The following PEX13 variants were observed in gnomAD, a reference collection of about 807,000 sequenced individuals.
PEX13 encodes the protein peroxisomal biogenesis factor 13, also known as peroxisome biogenesis factor 13.
A neutral mutation model predicts 34.5 loss-of-function variants in PEX13; 28 were observed. The ratio of observed to expected loss-of-function variants is 0.81; its 90% CI spans 0.60 to 1.11. PEX13 has a LOEUF of 1.11. PEX13 is among the 50% of genes most tolerant of loss of function. The pLI is 0.00. For synonymous variants in PEX13, 177 were observed against 175.1 expected (o/e 1.01, Z -0.09); for missense variants, 550 against 491.0 (o/e 1.12, Z -1.13).
intron 1 of PEX13, among the ~76,000 whole-genome samples, chr2:61,030,419 G>A (rs556043795): frequency 6.6e-6 from 1 of 152,228 alleles, no homozygotes; most frequent in South Asian, 2.1e-4. Flanking sequence ...GTAAACAGTT[G>A]TCTTTATCAA....
At chr2:61,017,951 C>A (rs7602846) in intron 1 of PEX13, 100 bp downstream of exon 1, 13 of 1,378,348 alleles carry the variant, frequency 9.4e-6, no homozygotes, top group East Asian at 7.5e-5. Context: ...TCCCTTCCCC[C>A]CTTTAACCAA....
In PEX13 at chr2:61,048,949, T is replaced by C. The variant is rs774341751; in HGVS notation, c.*179T>C. On this transcript the variant is annotated 3_prime_UTR_variant, in exon 4 of 4. Coordinates refer to ENST00000295030, the MANE Select transcript of PEX13 (RefSeq NM_002618.4). ...ATGTTGGTCTGGTGACCTGGTTACA[T>C]TTTATTATACACATTATTGGACCAT... The C allele has an allele frequency of 1.6e-6, 1 of 611,646 alleles. No individual in the cohort carries two copies. The highest frequency in any genetic ancestry group is 2.9e-6 in the Non-Finnish European group (1 of 347,548). 37.9% of individuals were successfully genotyped at this position (611,646 alleles called of 1,614,324 possible). A position where few individuals can be genotyped will look rare whatever the true frequency, so the allele number is the denominator to read the frequency against.
chr2:61,036,779 A>T lies in PEX13; in HGVS notation c.787+4666A>T, dbSNP rs145639808. Among the ~76,000 whole-genome samples the T allele has an allele frequency of 2.8e-3, 425 of 152,330 alleles. 1 individual carries two copies. The highest frequency in any genetic ancestry group is 9.5e-3 in the African/African-American group (396 of 41,580). On this transcript the variant is annotated intron_variant, in intron 2 of 3. Transcript: ENST00000295030. Reference sequence around the variant, plus strand: ...GACAGGATCAGATTCACACATAACAATGTTAACCTTAAATGTAAATGGGCT... The same window carrying T: ...GACAGGATCAGATTCACACATAACATTGTTAACCTTAAATGTAAATGGGCT...
chr2:61,048,025 G>A lies in PEX13; in HGVS notation c.914-447G>A, dbSNP rs187058873. ...ATTGTTTATTACAATCACATGAAACGAATTTTATATTTTTGCCAAAAGTAG... is the reference window on the plus strand; with the variant it reads ...ATTGTTTATTACAATCACATGAAACAAATTTTATATTTTTGCCAAAAGTAG... On this transcript the variant is annotated intron_variant, in intron 3 of 3. Transcript: ENST00000295030. Among the ~76,000 whole-genome samples the A allele has an allele frequency of 2.0e-3, 301 of 152,218 alleles. 1 individual carries two copies. Among genetic ancestry groups the A allele is most frequent in the African/African-American group, 6.6e-3 (274 of 41,554 alleles).
rs1258736139 is a variant in PEX13, at chr2:61,017,763, G to A, written c.4G>A (p.Ala2Thr). 3 of 1,549,322 alleles carry A rather than the reference G, an allele frequency of 1.9e-6. No individual in the cohort carries two copies. The highest frequency in any genetic ancestry group is 2.4e-5 in the East Asian group (1 of 41,048). The change falls in exon 1 of 4, where the codon GCG becomes ACG. Residue 2 changes from alanine (A) to threonine (T), a missense_variant. By Grantham distance (58) the Ala-to-Thr change is moderately conservative. Transcript: ENST00000295030. ...GAGCCGAGAGGAGGCGGAGGAGATG[G>A]CGTCCCAGCCGCCACCTCCCCCCAA... M[A>T]SQPPPPPKPW...
chr2:61,039,949 C>T (rs1410143017), intron 2 of PEX13, among the ~76,000 whole-genome samples: 1 of 152,146 alleles, frequency 6.6e-6, no homozygotes, highest in Non-Finnish European at 1.5e-5. Flanking sequence ...AGATACTTCT[C>T]AAAAGAAGAC....
chr2:61,017,939 A>T, intron 1 of PEX13, 88 bp downstream of exon 1: 1 of 1,408,324 alleles, frequency 7.1e-7, no homozygotes, highest in Middle Eastern at 1.8e-4. Flanking sequence ...TAGTGGAGGT[A>T]TTCCCTTCCC....
intron 2 of PEX13, among the ~76,000 whole-genome samples, chr2:61,043,793 C>T (rs770248060): frequency 1.4e-4 from 21 of 152,078 alleles, no homozygotes; most frequent in South Asian, 2.1e-4. Context: ...CTTGCCCTAC[C>T]GCATGGCAAT....
chr2:61,022,255 C>T (rs1680276889), intron 1 of PEX13, among the ~76,000 whole-genome samples: 1 of 152,124 alleles, frequency 6.6e-6, no homozygotes, highest in East Asian at 1.9e-4. Context: ...ATGTTCTAAC[C>T]CGTCGCAAAG....
intron 1 of PEX13, chr2:61,018,194 G>T: frequency 6.4e-7 from 1 of 1,550,928 alleles, no homozygotes; most frequent in Non-Finnish European, 8.7e-7. Flanking sequence ...CGTAGACTTT[G>T]GTCTGTAGCA....
At chr2:61,036,311 C>G (rs1384984672) in intron 2 of PEX13, among the ~76,000 whole-genome samples, 1 of 152,068 alleles carries the variant, frequency 6.6e-6, no homozygotes, top group African/African-American at 2.4e-5. Context: ...AGAAGAGCAA[C>G]CCTAAGACAC....
intron 1 of PEX13, chr2:61,018,496 G>C: frequency 1.9e-6 from 1 of 535,158 alleles, no homozygotes; most frequent in Non-Finnish European, 3.0e-6. Flanking sequence ...TTTTTAATCA[G>C]TATCAGTTGG....
rs770718351 is a variant in PEX13, at chr2:61,048,545, TTA to T, written c.989_990del (p.Tyr330CysfsTer10). On this transcript the variant is annotated frameshift_variant, in exon 4 of 4. Coordinates refer to ENST00000295030, the MANE Select transcript of PEX13 (RefSeq NM_002618.4). LOFTEE classifies it high-confidence loss of function. ...GQTTGLIPAN[Y>X]VKILGKRKGR... ...AAACAACAGGACTTATACCTGCGAA[TTA>T]TGTCAAAATTCTTGGCAAAAGAAAA... is the stretch of plus-strand genomic sequence containing the variant. The T allele has an allele frequency of 1.2e-6, 2 of 1,614,130 alleles. No individual in the cohort carries two copies. The highest frequency in any genetic ancestry group is 1.7e-6 in the Non-Finnish European group (2 of 1,179,984).
At position 61,050,052 on chromosome 2, in the gene PEX13, A is replaced by T. The variant is rs961276499; in HGVS notation, c.*1282A>T. The T allele has an allele frequency of 6.6e-6, 1 of 152,250 alleles. No individual in the cohort carries two copies. The highest frequency in any genetic ancestry group is 6.6e-5 in the Admixed American group (1 of 15,260). The allele number at this position is 152,250 out of a possible 1,614,324, so 9.4% of individuals were successfully genotyped here. ...CATTTTTCTTTTAGGTTTAGTTTTT[A>T]CTACTGAGACTTATTTATAGTCTTA... On this transcript the variant is annotated 3_prime_UTR_variant, in exon 4 of 4. Coordinates refer to ENST00000295030, the MANE Select transcript of PEX13 (RefSeq NM_002618.4).
rs1287626883 is a variant in PEX13 at position 61,050,975 on chromosome 2, G to T, written c.*2205G>T. 6.6e-6 allele frequency: 1 copy of T among 152,294 alleles called. No individual in the cohort carries two copies. Among genetic ancestry groups the T allele is most frequent in the Non-Finnish European group, 1.5e-5 (1 of 68,022 alleles). The allele number at this position is 152,294 out of a possible 1,614,324, so 9.4% of individuals were successfully genotyped here. A position where few individuals can be genotyped will look rare whatever the true frequency, so the allele number is the denominator to read the frequency against. ...TCAACAAATAAGTAATTCTCGAATAGTTCAGATTAAAACATACAGGAACCA... is the reference window on the plus strand; with the variant it reads ...TCAACAAATAAGTAATTCTCGAATATTTCAGATTAAAACATACAGGAACCA... On this transcript the variant is annotated 3_prime_UTR_variant, in exon 4 of 4. Transcript: ENST00000295030.
chr2:61,045,468 C>T (rs1335580698), intron 2 of PEX13, among the ~76,000 whole-genome samples: 4 of 152,084 alleles, frequency 2.6e-5, no homozygotes, highest in Non-Finnish European at 4.4e-5. Flanking sequence ...AACTATCTGA[C>T]CCTTTTCAGA....
rs1027357084 is a variant in PEX13 at position 61,050,546 on chromosome 2, A to G, written c.*1776A>G. Reference sequence around the variant, plus strand: ...TACAGAGTAATACTATCAGGAATACAGGTGTATAAGAATACATTTATAGAT... The same window carrying G: ...TACAGAGTAATACTATCAGGAATACGGGTGTATAAGAATACATTTATAGAT... On this transcript the variant is annotated 3_prime_UTR_variant, in exon 4 of 4. Transcript: ENST00000295030. The G allele has an allele frequency of 6.6e-6, 1 of 152,374 alleles. No individual in the cohort carries two copies. The highest frequency in any genetic ancestry group is 1.9e-4 in the East Asian group (1 of 5,346). 9.4% of individuals were successfully genotyped at this position (152,374 alleles called of 1,614,324 possible). A position where few individuals can be genotyped will look rare whatever the true frequency, so the allele number is the denominator to read the frequency against.
chr2:61,028,049 T>C (rs1002291150), intron 1 of PEX13, among the ~76,000 whole-genome samples: 1 of 152,252 alleles, frequency 6.6e-6, no homozygotes, highest in Non-Finnish European at 1.5e-5. Context: ...GATGCTAAAC[T>C]ATCAAATGAA....
chr2:61,020,902 A>T (rs1680246885), intron 1 of PEX13, among the ~76,000 whole-genome samples: 2 of 152,098 alleles, frequency 1.3e-5, no homozygotes, highest in Non-Finnish European at 2.9e-5. Flanking sequence ...TGATCTGCCC[A>T]CCTAGGCCTC....
Sources: gnomAD v4.1 joint callset for allele counts (sites outside exome capture counted in the v4.1 genomes callset) on GRCh38, gnomAD v4.1.1 for gene constraint, MANE v1.5 for transcripts, NCBI Gene and HGNC (gene_info 2026-07-23, HGNC 2026-07-21) for gene names.